The following AGBL1 variants were observed in gnomAD, a reference collection of about 807,000 sequenced individuals.
AGBL1 encodes the protein AGBL carboxypeptidase 1, also known as cytosolic carboxypeptidase 4.
AGBL1 carries 130 observed loss-of-function variants against 118.9 expected under a neutral mutation model. The ratio of observed to expected loss-of-function variants is 1.09; its 90% confidence interval spans 0.95 to 1.26. The LOEUF is 1.26. Ranked by LOEUF, AGBL1 falls within the 50% of genes most tolerant of loss-of-function variation. AGBL1 has a pLI of 0.00. For missense variants in AGBL1, 1,584 were observed against 1,298.1 expected (o/e 1.22, Z -3.38); for synonymous variants, 555 against 478.9 (o/e 1.16, Z -2.08).
intron 1 of AGBL1, among the ~76,000 whole-genome samples, chr15:86,113,243 T>TTTTCTTTTCTTTTCTTTTCC (rs1897526806): frequency 1.3e-5 from 1 of 78,094 alleles, no homozygotes; most frequent in East Asian, 3.9e-4. Flanking sequence ...TTTTCTTTTC[T>TTTTCTTTTCTTTTCTTTTCC]TTTCTTTTCT....
Position 86,149,357 on chromosome 15 carries a change from A to G in AGBL1, c.263-5073A>G, listed in dbSNP as rs139486918. Among the ~76,000 whole-genome samples the G allele has an allele frequency of 3.6e-3, 554 of 152,316 alleles. 3 individuals are homozygous for G. Among genetic ancestry groups the G allele is most frequent in the African/African-American group, 0.013 (525 of 41,558 alleles). ...CAAATTGGATAAAGAGTCAAGATCC[A>G]TCAGAGTGCCATATTCAGGAGACCC... On this transcript the variant is annotated intron_variant, in intron 3 of 22. Coordinates refer to ENST00000614907, the MANE Select transcript of AGBL1 (RefSeq NM_001386094.1).
intron 18 of AGBL1, among the ~76,000 whole-genome samples, chr15:86,473,153 T>G (rs188747797): frequency 1.3e-5 from 2 of 152,366 alleles, no homozygotes; most frequent in East Asian, 1.9e-4. Flanking sequence ...CATTTAGGTT[T>G]CATCCCAATT....
intron 16 of AGBL1, among the ~76,000 whole-genome samples, chr15:86,284,142 T>C (rs2079402060): frequency 6.6e-6 from 1 of 151,484 alleles, no homozygotes; most frequent in Non-Finnish European, 1.5e-5. Context: ...ATTTTCTCTG[T>C]TGGACTGATT....
intron 5 of AGBL1, among the ~76,000 whole-genome samples, chr15:86,200,549 T>TCCC (rs1567121519): frequency 1.9e-4 from 6 of 31,978 alleles, no homozygotes; most frequent in Non-Finnish European, 3.7e-4. Context: ...AATAGACCCC[T>TCCC]ACCCCCCCCC....
chr15:86,654,788 A>T (rs2085436202), intron 21 of AGBL1, among the ~76,000 whole-genome samples: 1 of 152,134 alleles, frequency 6.6e-6, no homozygotes, highest in Non-Finnish European at 1.5e-5. Flanking sequence ...CTGCCTAGTC[A>T]GCCAGCCATG....
intron 19 of AGBL1, among the ~76,000 whole-genome samples, chr15:86,542,029 A>G (rs1376873430): frequency 6.6e-6 from 1 of 152,240 alleles, no homozygotes; most frequent in Non-Finnish European, 1.5e-5. Flanking sequence ...TGAGTATACA[A>G]TCTAGAGGTT....
At chr15:86,564,463 C>G (rs1350608388) in intron 21 of AGBL1, among the ~76,000 whole-genome samples, 3 of 152,198 alleles carry the variant, frequency 2.0e-5, no homozygotes, top group Non-Finnish European at 1.5e-5. Flanking sequence ...TTGGCCCCCA[C>G]TCTCTTCTGG....
chr15:86,634,643 T>C (rs906805661), intron 21 of AGBL1, among the ~76,000 whole-genome samples: 2 of 152,198 alleles, frequency 1.3e-5, no homozygotes, highest in African/African-American at 2.4e-5. Flanking sequence ...GTGAGGCCTG[T>C]ACAACTCTGT....
At chr15:86,345,218 C>T (rs1162006910) in intron 17 of AGBL1, among the ~76,000 whole-genome samples, 3 of 144,952 alleles carry the variant, frequency 2.1e-5, no homozygotes, top group Non-Finnish European at 4.6e-5. Flanking sequence ...TTAGACAAGA[C>T]TTTTTTTTTT....
intron 22 of AGBL1, among the ~76,000 whole-genome samples, chr15:86,811,837 C>T (rs2078794566): frequency 6.6e-6 from 1 of 152,176 alleles, no homozygotes; most frequent in Non-Finnish European, 1.5e-5. Context: ...TATAAAAAAA[C>T]ACACAAGTCA....
intron 18 of AGBL1, among the ~76,000 whole-genome samples, chr15:86,433,248 C>CTCCTTCTCT (rs1438794201): frequency 3.5e-5 from 5 of 142,064 alleles, no homozygotes; most frequent in African/African-American, 1.4e-4. Flanking sequence ...CCTTCTCCTC[C>CTCCTTCTCT]TCCTCCTCCT....
chr15:86,455,742 A>G lies in AGBL1; in HGVS notation c.2555+58196A>G, dbSNP rs547903092. Among the ~76,000 whole-genome samples the G allele has an allele frequency of 1.5e-3, 232 of 152,286 alleles. 1 individual carries two copies. Among genetic ancestry groups the G allele is most frequent in the African/African-American group, 5.4e-3 (226 of 41,562 alleles). ...TCTCACTTAAAACTCTCTGAGGTACATATCATCATCATCATTGTCTTATCT... is the reference window on the plus strand; with the variant it reads ...TCTCACTTAAAACTCTCTGAGGTACGTATCATCATCATCATTGTCTTATCT... On this transcript the variant is annotated intron_variant, in intron 18 of 22. Coordinates refer to ENST00000614907, the MANE Select transcript of AGBL1 (RefSeq NM_001386094.1).
At chr15:86,548,778 A>G (rs906182206) in intron 20 of AGBL1, among the ~76,000 whole-genome samples, 2 of 152,078 alleles carry the variant, frequency 1.3e-5, no homozygotes, top group African/African-American at 4.8e-5. Context: ...TACATGGTGT[A>G]TTAAGCCATT....
chr15:86,884,430 G>A (rs536973753), intron 22 of AGBL1, among the ~76,000 whole-genome samples: 1 of 152,298 alleles, frequency 6.6e-6, no homozygotes, highest in East Asian at 1.9e-4. Context: ...CATTGTTTTT[G>A]GACCGAGGTT....
chr15:86,751,109 A>G (rs192487644), intron 22 of AGBL1, among the ~76,000 whole-genome samples: 89 of 152,198 alleles, frequency 5.8e-4, no homozygotes, highest in South Asian at 1.0e-3. Context: ...ATAAATATGC[A>G]TGTATCTTTA....
chr15:86,917,366 T>A (rs557836562), downstream of AGBL1, among the ~76,000 whole-genome samples: 18 of 152,302 alleles, frequency 1.2e-4, no homozygotes, highest in East Asian at 3.5e-3. This position sits in a 1 kb window ranked among gnomAD's most constrained non-coding sequence, Gnocchi z 4.8. Context: ...CCCAGCTTCC[T>A]CCTAGGCTCT....
intron 7 of AGBL1, among the ~76,000 whole-genome samples, chr15:86,250,416 C>T (rs113860477): frequency 3.3e-3 from 493 of 151,430 alleles, no homozygotes; most frequent in African/African-American, 0.011. Flanking sequence ...ATCCCAGCTA[C>T]TCAGGAGGCT....
chr15:86,981,485 C>A (rs891325485), intron 23 of AGBL1, among the ~76,000 whole-genome samples: 1 of 152,242 alleles, frequency 6.6e-6, no homozygotes, highest in African/African-American at 2.4e-5. Flanking sequence ...CTCAGCTCTT[C>A]GTCACTATTA....
At chr15:86,929,676 A>G (rs973542402) in intron 23 of AGBL1, among the ~76,000 whole-genome samples, 1 of 152,216 alleles carries the variant, frequency 6.6e-6, no homozygotes, top group African/African-American at 2.4e-5. Flanking sequence ...ACTGCATGGC[A>G]CTATCCATCA....
Sources: gnomAD v4.1 joint callset for allele counts (sites outside exome capture counted in the v4.1 genomes callset) on GRCh38, gnomAD v4.1.1 for gene constraint, Gnocchi (gnomAD v3.1) non-coding constraint, MANE v1.5 for transcripts, NCBI Gene and HGNC (gene_info 2026-07-23, HGNC 2026-07-21) for gene names.